Variants in SEMA3D observed in about 807,000 individuals in gnomAD.
SEMA3D encodes semaphorin-3D.
In SEMA3D, 84 loss-of-function variants were observed where a neutral mutation model predicts 100.1. The ratio of observed to expected loss-of-function variants is 0.84; its 90% CI spans 0.70 to 1.01. The LOEUF (loss-of-function observed/expected upper bound fraction) is 1.01, where lower values mean the gene tolerates loss of function less well. Ranked by LOEUF, SEMA3D falls within the 50% of genes least tolerant of loss-of-function variation. SEMA3D has a pLI of 0.00. For synonymous variants in SEMA3D, 312 were observed against 320.7 expected (o/e 0.97, Z 0.29); for missense variants, 875 against 934.1 (o/e 0.94, Z 0.82).
Position 85,042,267 on chromosome 7 carries a change from G to A in SEMA3D, c.880C>T (p.Arg294Cys), listed in dbSNP as rs371843228. ...RVCKNDVGGQ[R>C]SLINKWTTFL... ...GTCGTCCACTTGTTTATCAGGCTGC[G>A]TTGTCCTCCTACATCATTCTGACAT... The change falls in exon 10 of 19, where the codon CGC (arginine) becomes TGC (cysteine). Residue 294 changes from arginine (R) to cysteine (C), a missense_variant. Coordinates refer to ENST00000284136, the MANE Select transcript of SEMA3D (RefSeq NM_001384900.1). The A allele has an allele frequency of 5.0e-6, 8 of 1,610,318 alleles. No individual in the cohort carries two copies. Among genetic ancestry groups the A allele is most frequent in the South Asian group, 1.1e-5 (1 of 90,996 alleles).
chr7:85,225,050 TTATATATATATATATATATA>T, the SEMA3D span, among the ~76,000 whole-genome samples: 4,204 of 76,886 alleles, frequency 0.055, 156 homozygotes, highest in Admixed American at 0.067. Context: ...TGATTTTCTT[TTATATATATATATATATATA>T]TATATATATA....
chr7:85,078,715 C>A (rs1456566320), intron 5 of SEMA3D, among the ~76,000 whole-genome samples: 1 of 152,120 alleles, frequency 6.6e-6, no homozygotes, highest in African/African-American at 2.4e-5. Context: ...CTATCCCCAC[C>A]CCAATTAGCT....
chr7:85,100,438 T>C (rs1470795457), intron 3 of SEMA3D, among the ~76,000 whole-genome samples: 1 of 151,860 alleles, frequency 6.6e-6, no homozygotes, highest in Non-Finnish European at 1.5e-5. Flanking sequence ...ACTTACGATA[T>C]TATCTTATTT....
At chr7:85,124,516 C>CCATATTGGT (rs79940981) in intron 2 of SEMA3D, among the ~76,000 whole-genome samples, 1 of 80,772 alleles carries the variant, frequency 1.2e-5, no homozygotes, top group Non-Finnish European at 2.6e-5. Context: ...GTTGATTATA[C>CCATATTGGT]ACAATAAAGT....
At chr7:85,021,499 T>C (rs1790254893) in intron 13 of SEMA3D, among the ~76,000 whole-genome samples, 1 of 151,820 alleles carries the variant, frequency 6.6e-6, no homozygotes, top group South Asian at 2.1e-4. Flanking sequence ...TGACAATCAA[T>C]GACAAAGGTC....
chr7:85,185,185 G>A (rs1337066116), intron 1 of SEMA3D, among the ~76,000 whole-genome samples: 2 of 152,108 alleles, frequency 1.3e-5, no homozygotes, highest in African/African-American at 4.8e-5. Flanking sequence ...CTTTCCACGT[G>A]CAGAACTGGG....
intron 2 of SEMA3D, among the ~76,000 whole-genome samples, chr7:85,149,443 G>A (rs556938094): frequency 6.6e-6 from 1 of 152,120 alleles, no homozygotes; most frequent in Admixed American, 6.6e-5. Flanking sequence ...GCAAGACTCT[G>A]TCTCAAAAAA....
chr7:85,064,151 T>C (rs1179757838), intron 8 of SEMA3D, among the ~76,000 whole-genome samples: 2 of 152,210 alleles, frequency 1.3e-5, no homozygotes, highest in Admixed American at 6.5e-5. Context: ...TACTGTCTTT[T>C]AGAAGAGGAG....
intron 7 of SEMA3D, 91 bp from the exon 8 acceptor site, chr7:85,065,643 A>T: frequency 1.5e-5 from 14 of 936,694 alleles, no homozygotes; most frequent in Non-Finnish European, 2.3e-5. Flanking sequence ...GACACCAAAG[A>T]TGTTTGTTTC....
intron 12 of SEMA3D, among the ~76,000 whole-genome samples, chr7:85,031,645 G>A (rs1790552599): frequency 6.6e-6 from 1 of 151,890 alleles, no homozygotes; most frequent in Admixed American, 6.6e-5. Context: ...TTCATAAACT[G>A]TGAGAGCATG....
chr7:85,159,895 A>G, intron 1 of SEMA3D: 1 of 984,862 alleles, frequency 1.0e-6, no homozygotes, highest in Non-Finnish European at 1.2e-6. Flanking sequence ...CAAGAAAGAT[A>G]GGAAAGAAGG....
At chr7:85,147,096 T>TC (rs34233748) in intron 2 of SEMA3D, among the ~76,000 whole-genome samples, 82 of 109,454 alleles carry the variant, frequency 7.5e-4, no homozygotes, top group African/African-American at 2.2e-3. Context: ...TCTTTTCTTT[T>TC]TTTTTTTTTT....
rs537086440 is a variant in SEMA3D, at chr7:85,029,983, TA to T, written c.1191+6905del. Among the ~76,000 whole-genome samples the T allele has an allele frequency of 1.2e-4, 18 of 150,980 alleles. 1 individual carries two copies. In the South Asian group the frequency reaches 3.4e-3, roughly 28 times the overall value. On this transcript the variant is annotated intron_variant, in intron 12 of 18. Transcript: ENST00000284136. ...ACTAACCACAACCTCCACCCCTGAA[TA>T]AAAAAAAAGATTTTGAGCTGAAAAT...
At chr7:85,248,679 T>C in the SEMA3D span, among the ~76,000 whole-genome samples, 2 of 152,030 alleles carry the variant, frequency 1.3e-5, no homozygotes, top group Non-Finnish European at 2.9e-5. Context: ...TGAAAAGACA[T>C]GGAGGAAACT....
the SEMA3D span, among the ~76,000 whole-genome samples, chr7:85,205,738 T>A: frequency 6.6e-6 from 1 of 152,142 alleles, no homozygotes; most frequent in African/African-American, 2.4e-5. Context: ...CAGCTTCTTC[T>A]GTCCTCCAGA....
intron 3 of SEMA3D, among the ~76,000 whole-genome samples, chr7:85,115,315 C>A (rs1789208086): frequency 6.6e-6 from 1 of 152,072 alleles, no homozygotes. Flanking sequence ...TCGGTATCCT[C>A]ATACATAAGA....
At chr7:85,152,257 G>A (rs907632768) in intron 2 of SEMA3D, among the ~76,000 whole-genome samples, 3 of 152,014 alleles carry the variant, frequency 2.0e-5, no homozygotes, top group Admixed American at 2.0e-4. Context: ...CTTACTGATT[G>A]TTAGAATAAG....
rs567180349 is a variant in SEMA3D, at chr7:85,141,534, A to G, written c.-41+12074T>C. The G allele has an allele frequency of 9.1e-6, 9 of 984,746 alleles. No homozygotes were observed. In the African/African-American group the frequency reaches 1.6e-4, roughly 17 times the overall value. The allele number at this position is 984,746 out of a possible 1,614,324, so 61.0% of individuals were successfully genotyped here. ...TCACTGCCCTACATGAATGACCACA[A>G]AGTCTTTCTAAGGATAGTCTTAACT... On this transcript the variant is annotated intron_variant, in intron 2 of 18. Transcript: ENST00000284136.
intron 9 of SEMA3D, among the ~76,000 whole-genome samples, chr7:85,055,370 A>C (rs377702909): frequency 2.0e-5 from 3 of 151,978 alleles, no homozygotes; most frequent in African/African-American, 2.4e-5. Context: ...AATCACTGGC[A>C]AAAGAATAGA....
Sources: gnomAD v4.1 joint callset for allele counts (sites outside exome capture counted in the v4.1 genomes callset) on GRCh38, gnomAD v4.1.1 for gene constraint, MANE v1.5 for transcripts, NCBI Gene and HGNC (gene_info 2026-07-23, HGNC 2026-07-21) for gene names.